TTC33: variants seen among roughly 807,000 people sequenced by gnomAD.
TTC33 encodes the protein tetratricopeptide repeat domain 33.
TTC33 carries 24 observed loss-of-function variants against 29.4 expected under a neutral mutation model. The ratio of observed to expected loss-of-function variants is 0.82; its 90% CI spans 0.59 to 1.15. TTC33 has a LOEUF of 1.15. Among genes scored for constraint, TTC33 ranks in the 50% most tolerant of loss-of-function variants. TTC33 has a pLI of 0.00. For synonymous variants in TTC33, 107 were observed against 100.3 expected, an observed-to-expected ratio of 1.07 and a Z score of -0.40; for missense variants, 286 against 310.4, an observed-to-expected ratio of 0.92 and a Z score of 0.59.
In TTC33 at chr5:40,721,309, G is replaced by A. The variant is rs772948866; in HGVS notation, c.436-4811C>T. On this transcript the variant is annotated intron_variant, in intron 4 of 4. Transcript: ENST00000337702. ...AAGTAAATGGACAAAATCAATTTTA[G>A]AAGTAAGAACAAAACTAGGGGCATC... 1.4e-4 allele frequency among the ~76,000 whole-genome samples: 22 copies of A among 152,114 alleles called. 1 individual carries two copies. Among genetic ancestry groups the A allele is most frequent in the Admixed American group, 1.3e-3 (20 of 15,274 alleles).
intron 3 of TTC33, among the ~76,000 whole-genome samples, chr5:40,729,506 A>G (rs1356949154): frequency 1.3e-5 from 2 of 152,216 alleles, no homozygotes; most frequent in Non-Finnish European, 2.9e-5. Flanking sequence ...TTTTTAAGCT[A>G]TTAATAAAAT....
At chr5:40,753,833 G>A (rs1313415744) in intron 1 of TTC33, among the ~76,000 whole-genome samples, 6 of 152,162 alleles carry the variant, frequency 3.9e-5, no homozygotes, top group Admixed American at 2.6e-4. Flanking sequence ...CAGGCACTGT[G>A]GGAACCCTAC....
intron 2 of TTC33, among the ~76,000 whole-genome samples, chr5:40,731,771 C>G (rs971645166): frequency 1.3e-5 from 2 of 152,142 alleles, no homozygotes; most frequent in Non-Finnish European, 2.9e-5. Flanking sequence ...CTTCCTACTC[C>G]TCTTCATCTA....
chr5:40,752,968 A>G (rs1172016402), intron 1 of TTC33, among the ~76,000 whole-genome samples: 2 of 152,216 alleles, frequency 1.3e-5, no homozygotes, highest in Admixed American at 1.3e-4. Flanking sequence ...ATTCACATGG[A>G]AAGACCTACC....
chr5:40,725,730 A>C, intron 4 of TTC33, among the ~76,000 whole-genome samples: 1 of 146,524 alleles, frequency 6.8e-6, no homozygotes, highest in Non-Finnish European at 1.5e-5. Context: ...TTCCTTTCTC[A>C]CCATCCCCAT....
chr5:40,748,338 A>C (rs1742837288), intron 1 of TTC33, among the ~76,000 whole-genome samples: 3 of 152,200 alleles, frequency 2.0e-5, no homozygotes, highest in African/African-American at 7.2e-5. Flanking sequence ...CTGGGATTAC[A>C]GGCATGCGTC....
At chr5:40,717,553 A>G (rs1742028819) in intron 4 of TTC33, among the ~76,000 whole-genome samples, 1 of 152,210 alleles carries the variant, frequency 6.6e-6, no homozygotes, top group Non-Finnish European at 1.5e-5. Flanking sequence ...AATGTAGAAT[A>G]TTCAGCAACA....
intron 2 of TTC33, among the ~76,000 whole-genome samples, chr5:40,736,708 C>T (rs552771351): frequency 6.6e-6 from 1 of 152,256 alleles, no homozygotes; most frequent in Non-Finnish European, 1.5e-5. Context: ...AGGTAGCATG[C>T]TTTTACATGG....
chr5:40,722,353 C>A (rs1165907783), intron 4 of TTC33, among the ~76,000 whole-genome samples: 1 of 152,176 alleles, frequency 6.6e-6, no homozygotes, highest in Admixed American at 6.5e-5. Context: ...AGGAGCGTCT[C>A]TGCCTGGCCG....
Position 40,730,299 on chromosome 5 carries a change from G to A in TTC33, c.266C>T (p.Thr89Ile), listed in dbSNP as rs1266842957. ...IQKWDEALQLTPNDATLYEMK... is the reference protein window; with the variant it reads ...IQKWDEALQLIPNDATLYEMK... ...CTCGTATAGGGTAGCATCATTTGGA[G>A]TTAACTGTAGTGCTTCATCCCACTT... The change falls in exon 3 of 5, where the codon ACT becomes ATT. Residue 89 changes from threonine (T) to isoleucine (I), a missense_variant. Thr to Ile is a moderately conservative substitution (Grantham distance 89). Transcript: ENST00000337702. 1.2e-5 allele frequency: 20 copies of A among 1,612,080 alleles called. No homozygotes were observed. Among genetic ancestry groups the A allele is most frequent in the Non-Finnish European group, 1.6e-5 (19 of 1,178,792 alleles).
Position 40,746,991 on chromosome 5 carries a change from T to C in TTC33, c.28A>G (p.Ile10Val). ...GTGACCTTTGAGACCTTCTCACCAA[T>C]TTTCCTCTTCCACCCAAAGGAAGCC... Reference protein sequence around the residue: MASFGWKRKIGEKVSKVTSQ... With the variant: MASFGWKRKVGEKVSKVTSQ... The change falls in exon 2 of 5, where the codon ATT (isoleucine) becomes GTT (valine). Residue 10 changes from isoleucine to valine, a missense_variant. Ile to Val is a conservative substitution (Grantham distance 29, BLOSUM62 3). Coordinates refer to ENST00000337702, the MANE Select transcript of TTC33 (RefSeq NM_012382.3). 1.2e-6 allele frequency: 2 copies of C among 1,613,964 alleles called. No individual in the cohort carries two copies. The highest frequency in any genetic ancestry group is 1.7e-6 in the Non-Finnish European group (2 of 1,179,966).
intron 2 of TTC33, among the ~76,000 whole-genome samples, chr5:40,739,864 T>C (rs1398903772): frequency 1.3e-5 from 2 of 152,238 alleles, no homozygotes; most frequent in East Asian, 1.9e-4. Context: ...AGTTTTCATA[T>C]AGTTTTTATA....
At chr5:40,742,320 A>G (rs1742711645) in intron 2 of TTC33, among the ~76,000 whole-genome samples, 1 of 152,138 alleles carries the variant, frequency 6.6e-6, no homozygotes, top group Non-Finnish European at 1.5e-5. Flanking sequence ...GACTACTATA[A>G]TAGTAATAAT....
chr5:40,749,715 T>A (rs896642733), intron 1 of TTC33, among the ~76,000 whole-genome samples: 2 of 152,224 alleles, frequency 1.3e-5, no homozygotes, highest in Non-Finnish European at 2.9e-5. Flanking sequence ...ACACAAATGC[T>A]TTGGTCTCCC....
rs780787762 is a variant in TTC33, at chr5:40,716,176, G to A, written c.758C>T (p.Pro253Leu). The change falls in exon 5 of 5, where the codon CCA becomes CTA. Residue 253 changes from proline (P) to leucine (L), a missense_variant. Pro to Leu is a moderately conservative substitution (Grantham distance 98, BLOSUM62 -3). Coordinates refer to ENST00000337702, the MANE Select transcript of TTC33 (RefSeq NM_012382.3). The stretch of plus-strand genomic sequence containing the variant: ...GGCTTTGATAAAAACAGAGCCATCT[G>A]GTGGTGTAGCACCATCCTCCTTTTC... ...VTEKEDGATP[P>L]DGSVFIKAR 6.2e-7 allele frequency: 1 copy of A among 1,611,160 alleles called. No individual in the cohort carries two copies. Among genetic ancestry groups the A allele is most frequent in the Non-Finnish European group, 8.5e-7 (1 of 1,177,844 alleles).
chr5:40,746,740 G>T, intron 2 of TTC33, 58 bp downstream of exon 2: 1 of 1,276,532 alleles, frequency 7.8e-7, no homozygotes, highest in South Asian at 1.4e-5. Flanking sequence ...TCCCATTACG[G>T]ACAGTGAGCT....
At chr5:40,717,229 CAAA>C (rs35359209) in intron 4 of TTC33, among the ~76,000 whole-genome samples, 2 of 108,890 alleles carry the variant, frequency 1.8e-5, no homozygotes, top group Non-Finnish European at 3.6e-5. Context: ...AACTCCATCT[CAAA>C]AAAAAAAAAA....
chr5:40,751,378 G>A (rs1392379127), intron 1 of TTC33, among the ~76,000 whole-genome samples: 1 of 152,174 alleles, frequency 6.6e-6, no homozygotes, highest in African/African-American at 2.4e-5. Context: ...TCAATAGTGG[G>A]CTTAAAATAT....
rs1387912968 is a variant in TTC33 at position 40,716,589 on chromosome 5, A to G, written c.436-91T>C. 3.8e-6 allele frequency: 3 copies of G among 796,546 alleles called. No individual in the cohort carries two copies. In the African/African-American group the frequency reaches 5.2e-5, roughly 14 times the overall value. 49.3% of individuals were successfully genotyped at this position (796,546 alleles called of 1,614,324 possible). A position where few individuals can be genotyped will look rare whatever the true frequency, so the allele number is the denominator to read the frequency against. On this transcript the variant is annotated intron_variant, in intron 4 of 4. Coordinates refer to ENST00000337702, the MANE Select transcript of TTC33 (RefSeq NM_012382.3). Reference sequence around the variant, plus strand: ...GTGTTTACGTACATATATACTGTACACATACACATCCTAATGCATTATCTT... The same window carrying G: ...GTGTTTACGTACATATATACTGTACGCATACACATCCTAATGCATTATCTT...
Sources: gnomAD v4.1 joint callset for allele counts (sites outside exome capture counted in the v4.1 genomes callset) on GRCh38, gnomAD v4.1.1 for gene constraint, MANE v1.5 for transcripts, NCBI Gene and HGNC (gene_info 2026-07-23, HGNC 2026-07-21) for gene names.